ACOT13: variants seen among roughly 807,000 people sequenced by gnomAD.
ACOT13 encodes acyl-coenzyme A thioesterase 13.
In ACOT13, 10 loss-of-function variants were observed where a neutral mutation model predicts 11.8. The ratio of observed to expected loss-of-function variants is 0.85; its 90% CI spans 0.53 to 1.44. The LOEUF is 1.44. ACOT13 is among the 40% of genes most tolerant of loss of function. The probability of loss-of-function intolerance (pLI) is 0.00; values close to 1 mark genes in which losing one functional copy is unlikely to be tolerated. For missense variants in ACOT13, 172 were observed against 174.1 expected, an observed-to-expected ratio of 0.99 and a Z score of 0.07; for synonymous variants, 53 against 61.0, an observed-to-expected ratio of 0.87 and a Z score of 0.61.
In ACOT13 at chr6:24,697,487, GTTA is replaced by G. The variant is rs567545944; in HGVS notation, c.82-387_82-385del. On this transcript the variant is annotated intron_variant, in intron 1 of 2. Transcript: ENST00000230048. ...AACTGTTCATTAAGTGACTTAAAATGTTATTATTATTCTGCTTGTACAAAACTA... is the reference window on the plus strand; with the variant it reads ...AACTGTTCATTAAGTGACTTAAAATGTTATTATTCTGCTTGTACAAAACTA... Among the ~76,000 whole-genome samples, 973 of 148,016 alleles carry G rather than the reference GTTA, an allele frequency of 6.6e-3. 16 individuals carry two copies. Among genetic ancestry groups the G allele is most frequent in the African/African-American group, 0.023 (913 of 40,092 alleles).
chr6:24,690,457 C>G (rs1778702884), intron 1 of ACOT13, among the ~76,000 whole-genome samples: 1 of 152,152 alleles, frequency 6.6e-6, no homozygotes, highest in South Asian at 2.1e-4. Flanking sequence ...CTTCAGAGCA[C>G]CCACCTTTAT....
chr6:24,682,791 A>C (rs1191511483), intron 1 of ACOT13, among the ~76,000 whole-genome samples: 1 of 152,176 alleles, frequency 6.6e-6, no homozygotes, highest in Non-Finnish European at 1.5e-5. Flanking sequence ...ACAAGATTTA[A>C]TAGAGTGAAA....
rs1420902971 is a variant in ACOT13, at chr6:24,703,588, G to C, written c.*1973G>C. 6.6e-6 allele frequency: 1 copy of C among 151,920 alleles called. No homozygotes were observed. Among genetic ancestry groups the C allele is most frequent in the Non-Finnish European group, 1.5e-5 (1 of 67,852 alleles). 9.4% of individuals were successfully genotyped at this position (151,920 alleles called of 1,614,324 possible). Reference sequence around the variant, plus strand: ...AGGTAGATAATAAATGGCAGAGATAGAACACTCTCTTACAACAAATGCTGT... The same window carrying C: ...AGGTAGATAATAAATGGCAGAGATACAACACTCTCTTACAACAAATGCTGT... On this transcript the variant is annotated 3_prime_UTR_variant, in exon 3 of 3. Transcript: ENST00000230048.
intron 1 of ACOT13, among the ~76,000 whole-genome samples, 188 bp downstream of exon 1, chr6:24,667,532 A>C (rs1220508488): frequency 6.6e-6 from 1 of 152,174 alleles, no homozygotes. Flanking sequence ...CGAACGCGTA[A>C]GTTCTCTATC....
rs747233710 is a variant in ACOT13 at position 24,667,133 on chromosome 6, C to A, written c.-131C>A. 2 of 990,228 alleles carry A rather than the reference C, an allele frequency of 2.0e-6. No homozygotes were observed. The highest frequency in any genetic ancestry group is 3.0e-6 in the Non-Finnish European group (2 of 672,654). 61.3% of individuals were successfully genotyped at this position (990,228 alleles called of 1,614,324 possible). ...AGCTCGCCTGACTCCCGGCCTCTTG[C>A]GCTCCTAGGGGCGGAGAAGGGTGCG... On this transcript the variant is annotated 5_prime_UTR_variant, in exon 1 of 3. Coordinates refer to ENST00000230048, the MANE Select transcript of ACOT13 (RefSeq NM_018473.4).
chr6:24,698,895 C>A (rs1778842951), intron 2 of ACOT13, among the ~76,000 whole-genome samples: 1 of 152,110 alleles, frequency 6.6e-6, no homozygotes, highest in Non-Finnish European at 1.5e-5. Context: ...CCTCAGCCTC[C>A]CAAAGTGTTG....
At chr6:24,667,621 C>A (rs191327595) in intron 1 of ACOT13, among the ~76,000 whole-genome samples, 25 of 152,260 alleles carry the variant, frequency 1.6e-4, no homozygotes, top group Non-Finnish European at 3.4e-4. Context: ...ATCCTTCAAC[C>A]AACAAACGTC....
chr6:24,690,307 A>C (rs1480703718), intron 1 of ACOT13, among the ~76,000 whole-genome samples: 2 of 152,178 alleles, frequency 1.3e-5, no homozygotes, highest in East Asian at 3.9e-4. Context: ...AAGTGTGAAC[A>C]AGCATTTCCC....
At chr6:24,695,277 C>T (rs898417927) in intron 1 of ACOT13, among the ~76,000 whole-genome samples, 4 of 152,176 alleles carry the variant, frequency 2.6e-5, no homozygotes, top group Non-Finnish European at 5.9e-5. Flanking sequence ...CCACTGCACT[C>T]CAGCCTGGGT....
At chr6:24,695,769 T>C (rs1469015209) in intron 1 of ACOT13, among the ~76,000 whole-genome samples, 2 of 152,170 alleles carry the variant, frequency 1.3e-5, no homozygotes, top group Non-Finnish European at 2.9e-5. Flanking sequence ...TTTATTGCTA[T>C]AAACAGACGA....
At position 24,669,661 on chromosome 6, in the gene ACOT13, G is replaced by C. The variant is rs1177375212; in HGVS notation, c.81+2317G>C. ...GCTAGGATGGTTTATTCCTAGACAG[G>C]TAAGTCCCAAGTTATTAGGAAAGCT... On this transcript the variant is annotated intron_variant, in intron 1 of 2. Transcript: ENST00000230048. Among the ~76,000 whole-genome samples the C allele has an allele frequency of 5.9e-5, 9 of 152,234 alleles. No individual in the cohort carries two copies. In the South Asian group the frequency reaches 8.3e-4, roughly 14 times the overall value.
At chr6:24,671,317 A>G (rs1019650409) in intron 1 of ACOT13, among the ~76,000 whole-genome samples, 1 of 152,198 alleles carries the variant, frequency 6.6e-6, no homozygotes, top group Non-Finnish European at 1.5e-5. Flanking sequence ...TTGTAGGGAC[A>G]TGGATGAAGC....
intron 1 of ACOT13, chr6:24,687,704 A>AT: frequency 6.9e-7 from 1 of 1,454,276 alleles, no homozygotes; most frequent in Admixed American, 2.4e-5. Context: ...GTAAGAATAG[A>AT]ATTTTTTTTT....
At chr6:24,687,473 T>C (rs1442326167) in intron 1 of ACOT13, 2 of 1,345,310 alleles carry the variant, frequency 1.5e-6, no homozygotes, top group Non-Finnish European at 1.9e-6. Context: ...AGAAATACCA[T>C]GTGGACTCCA....
intron 1 of ACOT13, chr6:24,687,390 A>C: frequency 8.4e-7 from 1 of 1,189,684 alleles, no homozygotes; most frequent in Non-Finnish European, 1.0e-6. Flanking sequence ...TGCCATTGAA[A>C]CTTTTCTCCC....
intron 1 of ACOT13, among the ~76,000 whole-genome samples, chr6:24,678,983 C>T (rs1778500899): frequency 6.6e-6 from 1 of 152,240 alleles, no homozygotes; most frequent in Non-Finnish European, 1.5e-5. Context: ...GCTGGATCAT[C>T]TGGTTAGTGG....
chr6:24,675,552 C>A (rs1778438516), intron 1 of ACOT13, among the ~76,000 whole-genome samples: 1 of 152,098 alleles, frequency 6.6e-6, no homozygotes, highest in African/African-American at 2.4e-5. Flanking sequence ...CTGTTCATAT[C>A]CTTTGCCCAC....
intron 1 of ACOT13, among the ~76,000 whole-genome samples, chr6:24,687,243 T>C (rs1164813815): frequency 1.3e-5 from 2 of 152,220 alleles, no homozygotes; most frequent in African/African-American, 2.4e-5. Flanking sequence ...CTACCACCAT[T>C]CTACTTTCTG....
At chr6:24,697,673 A>G (rs1336484231) in intron 1 of ACOT13, among the ~76,000 whole-genome samples, 1 of 152,222 alleles carries the variant, frequency 6.6e-6, no homozygotes, top group Non-Finnish European at 1.5e-5. Context: ...AGTGAAGATC[A>G]GCAAAAACTA....
Sources: gnomAD v4.1 joint callset for allele counts (sites outside exome capture counted in the v4.1 genomes callset) on GRCh38, gnomAD v4.1.1 for gene constraint, MANE v1.5 for transcripts, NCBI Gene and HGNC (gene_info 2026-07-23, HGNC 2026-07-21) for gene names.